The following PLXNA4 variants were observed in gnomAD, a reference collection of about 807,000 sequenced individuals.
PLXNA4 encodes plexin A4.
PLXNA4 carries 44 observed loss-of-function variants against 191.8 expected under a neutral mutation model. That is an observed-to-expected ratio of 0.23 (90% confidence interval 0.18 to 0.29). The LOEUF is 0.29. PLXNA4 is among the 10% of genes least tolerant of loss of function. The probability of loss-of-function intolerance (pLI) is 1.00; values close to 1 mark genes in which losing one functional copy is unlikely to be tolerated. For missense variants in PLXNA4, 1,800 were observed against 2,488.8 expected, an observed-to-expected ratio of 0.72 and a Z score of 5.89; for synonymous variants, 1,082 against 1,009.5, an observed-to-expected ratio of 1.07 and a Z score of -1.36.
chr7:132,215,147 A>T (rs921851609), intron 9 of PLXNA4, among the ~76,000 whole-genome samples: 9 of 152,236 alleles, frequency 5.9e-5, no homozygotes, highest in African/African-American at 2.2e-4. Context: ...ACATCTTAGG[A>T]TAACTCTGCC....
At chr7:132,429,909 T>C (rs1795195722) in intron 3 of PLXNA4, among the ~76,000 whole-genome samples, 2 of 152,198 alleles carry the variant, frequency 1.3e-5, no homozygotes, top group African/African-American at 2.4e-5. Flanking sequence ...AAGACACCTC[T>C]GACGTCTGTG....
intron 3 of PLXNA4, among the ~76,000 whole-genome samples, chr7:132,372,779 C>G (rs1247282467): frequency 3.3e-5 from 5 of 152,198 alleles, no homozygotes; most frequent in African/African-American, 1.2e-4. Flanking sequence ...GGCTCTGTCA[C>G]TCACCAACAG....
At chr7:132,264,965 A>G (rs1325758438) in intron 4 of PLXNA4, among the ~76,000 whole-genome samples, 2 of 152,162 alleles carry the variant, frequency 1.3e-5, no homozygotes, top group Non-Finnish European at 2.9e-5. Flanking sequence ...AAGGGCTGGG[A>G]TTACAGGCAT....
intron 3 of PLXNA4, chr7:132,485,077 T>C (rs2117502087): frequency 1.3e-6 from 2 of 1,598,214 alleles, no homozygotes; most frequent in South Asian, 2.3e-5. Flanking sequence ...GAAGATTAAA[T>C]TAATCTACAT....
At chr7:132,238,374 T>C (rs1483145390) in intron 5 of PLXNA4, among the ~76,000 whole-genome samples, 2 of 152,126 alleles carry the variant, frequency 1.3e-5, no homozygotes, top group Non-Finnish European at 2.9e-5. Flanking sequence ...ATGGAACATA[T>C]CTACCATGTG....
chr7:132,421,534 TC>T (rs1382149932), intron 3 of PLXNA4, among the ~76,000 whole-genome samples: 1 of 151,946 alleles, frequency 6.6e-6, no homozygotes, highest in Non-Finnish European at 1.5e-5. Context: ...ATGGCTGACA[TC>T]CCTGAATTTA....
chr7:132,318,661 CTT>C (rs56179808), intron 3 of PLXNA4, among the ~76,000 whole-genome samples: 32 of 109,882 alleles, frequency 2.9e-4, no homozygotes, highest in Admixed American at 8.0e-4. Context: ...ACGCACTTTG[CTT>C]TTTTTTTTTT....
intron 1 of PLXNA4, among the ~76,000 whole-genome samples, chr7:132,521,384 G>T (rs73158878): frequency 0.037 from 5,629 of 152,096 alleles, 183 homozygotes; most frequent in Non-Finnish European, 0.053. Flanking sequence ...TAGTGTACAT[G>T]CCAGAAGAAC....
At chr7:132,518,539 T>C (rs1225074565) in intron 1 of PLXNA4, among the ~76,000 whole-genome samples, 4 of 152,050 alleles carry the variant, frequency 2.6e-5, no homozygotes, top group Non-Finnish European at 4.4e-5. Context: ...GAGAAAAGTA[T>C]AAAAGATGGG....
intron 1 of PLXNA4, among the ~76,000 whole-genome samples, chr7:132,523,921 G>A (rs76350572): frequency 0.026 from 3,924 of 152,260 alleles, 177 homozygotes; most frequent in African/African-American, 0.088. Flanking sequence ...GATGTCAAAG[G>A]TGAGGTTGTC....
chr7:132,640,028 T>C (rs530638815), intron 2 of PLXNA4, among the ~76,000 whole-genome samples: 1 of 152,228 alleles, frequency 6.6e-6, no homozygotes, highest in Non-Finnish European at 1.5e-5. Context: ...TGCGCTATCA[T>C]TCATGATAAG....
rs151139949 is a variant in PLXNA4, at chr7:132,531,562, C to G, written c.-86-22783G>C. ...TGGTAACTTCCTAGAAATGCAAATT[C>G]TCAGACTTCACTCCAGACCTAAGGA... On this transcript the variant is annotated intron_variant, in intron 1 of 31. Transcript: ENST00000321063. 2.2e-4 allele frequency among the ~76,000 whole-genome samples: 33 copies of G among 152,286 alleles called. No homozygotes were observed. In the East Asian group the frequency reaches 6.2e-3, roughly 28 times the overall value.
At chr7:132,243,049 G>C (rs200611546) in intron 4 of PLXNA4, among the ~76,000 whole-genome samples, 3 of 152,158 alleles carry the variant, frequency 2.0e-5, no homozygotes, top group East Asian at 3.8e-4. Context: ...AAGCCTAATG[G>C]CAATTGAACT....
chr7:132,157,962 G>T (rs1242238771), intron 25 of PLXNA4, among the ~76,000 whole-genome samples: 1 of 152,136 alleles, frequency 6.6e-6, no homozygotes, highest in African/African-American at 2.4e-5. Flanking sequence ...CACAGGTCTG[G>T]TCTGGCTCTA....
At chr7:132,464,611 A>G (rs1337539379) in intron 3 of PLXNA4, among the ~76,000 whole-genome samples, 1 of 152,230 alleles carries the variant, frequency 6.6e-6, no homozygotes, top group Non-Finnish European at 1.5e-5. Flanking sequence ...AAATATGTGA[A>G]AGGGCTTTGC....
intron 3 of PLXNA4, among the ~76,000 whole-genome samples, chr7:132,434,943 G>C (rs1795410469): frequency 6.6e-6 from 1 of 152,176 alleles, no homozygotes; most frequent in Non-Finnish European, 1.5e-5. Context: ...CCTCTTTCCA[G>C]GTCTCTGCTC....
intron 1 of PLXNA4, among the ~76,000 whole-genome samples, chr7:132,509,736 C>A (rs1490785491): frequency 1.3e-5 from 2 of 152,188 alleles, no homozygotes; most frequent in African/African-American, 4.8e-5. Flanking sequence ...ACAGCCACTA[C>A]CTCCAGTTCT....
At chr7:132,391,317 C>T (rs1260443626) in intron 3 of PLXNA4, among the ~76,000 whole-genome samples, 2 of 152,232 alleles carry the variant, frequency 1.3e-5, no homozygotes, top group Non-Finnish European at 2.9e-5. Flanking sequence ...CTTACTCGAT[C>T]TCCCCCATAG....
At chr7:132,244,222 C>G (rs1798973273) in intron 4 of PLXNA4, among the ~76,000 whole-genome samples, 1 of 152,138 alleles carries the variant, frequency 6.6e-6, no homozygotes, top group Non-Finnish European at 1.5e-5. Flanking sequence ...AAATGAGGAA[C>G]TGGGCGCGTT....
Sources: allele counts gnomAD v4.1 joint callset (sites outside exome capture counted in the v4.1 genomes callset), GRCh38; gene constraint gnomAD v4.1.1; transcripts MANE v1.5; gene names NCBI Gene and HGNC (gene_info 2026-07-23, HGNC 2026-07-21).